The following CELF4 variants were observed in gnomAD, a reference collection of about 807,000 sequenced individuals.
CELF4 encodes the protein CUGBP Elav-like family member 4.
Under a neutral mutation model 59.9 loss-of-function variants are expected in CELF4, and 18 were observed. The observed-to-expected ratio is 0.30, with a 90% confidence interval of 0.21 to 0.45. The LOEUF is 0.45. Among genes scored for constraint, CELF4 ranks in the 20% least tolerant of loss-of-function variants. The pLI, the probability that CELF4 is intolerant of heterozygous loss-of-function variation, is 1.00. For synonymous variants in CELF4, 261 were observed against 267.1 expected, an observed-to-expected ratio of 0.98 and a Z score of 0.22; for missense variants, 456 against 689.0, an observed-to-expected ratio of 0.66 and a Z score of 3.79.
intron 2 of CELF4, among the ~76,000 whole-genome samples, chr18:37,351,756 G>T (rs1292026454): frequency 6.6e-6 from 1 of 151,800 alleles, no homozygotes; most frequent in Non-Finnish European, 1.5e-5. Flanking sequence ...GACCACAGGT[G>T]CACGCCACCA....
intron 1 of CELF4, among the ~76,000 whole-genome samples, chr18:37,523,030 G>C (rs375293854): frequency 2.8e-4 from 43 of 152,316 alleles, no homozygotes; most frequent in African/African-American, 1.0e-3. Flanking sequence ...TCGCAGTGGA[G>C]ACGTTCGTTG....
At chr18:37,402,232 G>A (rs2099335680) in intron 2 of CELF4, among the ~76,000 whole-genome samples, 1 of 152,190 alleles carries the variant, frequency 6.6e-6, no homozygotes, top group African/African-American at 2.4e-5. Flanking sequence ...GAATCCATAA[G>A]TGTTTGGTCT....
At chr18:37,548,502 A>G (rs919531615) in intron 1 of CELF4, among the ~76,000 whole-genome samples, 3 of 152,172 alleles carry the variant, frequency 2.0e-5, no homozygotes, top group East Asian at 1.9e-4. Flanking sequence ...TAGTAGGTGC[A>G]TTGCCAATAT....
At chr18:37,494,751 C>T (rs9957642) in intron 1 of CELF4, among the ~76,000 whole-genome samples, 108,796 of 152,030 alleles carry the variant, frequency 0.72, 39,225 homozygotes, top group East Asian at 0.83. Flanking sequence ...TCAGTTCCTG[C>T]TTTCCCCTCC....
Position 37,424,957 on chromosome 18 carries a change from T to TTGAGGGG in CELF4, c.369+60567_369+60568insCCCCTCA, listed in dbSNP as rs1251322969. 3.0e-4 allele frequency among the ~76,000 whole-genome samples: 45 copies of TTGAGGGG among 152,292 alleles called. 1 individual carries two copies. The highest frequency in any genetic ancestry group is 9.4e-4 in the African/African-American group (39 of 41,566). ...GAATCTGACCCTCAACCTGCACCTG[T>TTGAGGGG]TCCACTCTCGCCCCACCCGCACAGT... On this transcript the variant is annotated intron_variant, in intron 2 of 12. Coordinates refer to ENST00000420428, the MANE Select transcript of CELF4 (RefSeq NM_020180.4).
rs139856475 is a variant in CELF4 at position 37,253,827 on chromosome 18, G to A, written c.1445C>T (p.Ala482Val). 8 of 1,604,842 alleles carry A rather than the reference G, an allele frequency of 5.0e-6. No individual in the cohort carries two copies. The highest frequency in any genetic ancestry group is 1.7e-5 in the Admixed American group (1 of 59,526). ...LKVQLKRPKD[A>V]NRPY ...CGCCGGCGCTCAGTACGGGCGATTG[G>A]CGTCTTTGGGCCGCTTCAGCTGCAC... The change falls in exon 12 of 13, where the codon GCC (alanine) becomes GTC (valine). Residue 482 changes from alanine to valine, a missense_variant. By Grantham distance (64) the Ala-to-Val change is moderately conservative. This residue lies in a region of CELF4 where 256 missense variants were observed against 340.8 expected (regional missense o/e 0.75). Transcript: ENST00000420428. The surrounding 1 kb of genome is among the most constrained non-coding windows in gnomAD (Gnocchi z 4.5).
rs140019882 is a variant in CELF4 at position 37,558,381 on chromosome 18, GTTT to G, written c.286+6972_286+6974del. ...TGCAGCTTTTACTACCCCTGTAACA[GTTT>G]TTTTTTTTTTTTTTTTTCCCTGTCC... On this transcript the variant is annotated intron_variant, in intron 1 of 12. Transcript: ENST00000420428. Among the ~76,000 whole-genome samples the G allele has an allele frequency of 4.1e-3, 579 of 139,852 alleles. 7 individuals carry two copies. The highest frequency in any genetic ancestry group is 0.023 in the East Asian group (113 of 4,840). The allele number at this position is 139,852 out of a possible 152,430, so 91.7% of individuals were successfully genotyped here.
At chr18:37,301,871 C>A (rs2096065590) in intron 3 of CELF4, among the ~76,000 whole-genome samples, 1 of 152,160 alleles carries the variant, frequency 6.6e-6, no homozygotes, top group Non-Finnish European at 1.5e-5. Context: ...AGTTCCTGTC[C>A]ACGGAGCAGG....
chr18:37,460,737 T>G (rs941851432), intron 2 of CELF4, among the ~76,000 whole-genome samples: 6 of 152,238 alleles, frequency 3.9e-5, no homozygotes, highest in African/African-American at 1.4e-4. Context: ...TTGCTAATGC[T>G]GGTTACCATT....
chr18:37,514,981 C>G (rs1603643153), intron 1 of CELF4, among the ~76,000 whole-genome samples: 1 of 152,052 alleles, frequency 6.6e-6, no homozygotes, highest in Admixed American at 6.5e-5. Flanking sequence ...AAAAAATGCC[C>G]CATTTCCCTG....
intron 2 of CELF4, among the ~76,000 whole-genome samples, chr18:37,449,263 G>C (rs2099756501): frequency 6.6e-6 from 1 of 152,184 alleles, no homozygotes; most frequent in African/African-American, 2.4e-5. Flanking sequence ...GTCATCCTAA[G>C]GGATGGGGAA....
intron 11 of CELF4, among the ~76,000 whole-genome samples, chr18:37,258,313 G>A (rs1420425069): frequency 3.4e-5 from 4 of 118,552 alleles, no homozygotes; most frequent in Non-Finnish European, 5.2e-5. Flanking sequence ...ACACCCCCGC[G>A]CCTGGTCTCC....
At position 37,254,009 on chromosome 18, in the gene CELF4, T is replaced by C. The variant is rs537932686; in HGVS notation, c.1334-71A>G. ...CCGGGGCGCTGCCGGCGGGGAGGGG[T>C]CGGGGGACAGGGGGGCGGGGCGGGC... On this transcript the variant is annotated intron_variant, in intron 11 of 12. Coordinates refer to ENST00000420428, the MANE Select transcript of CELF4 (RefSeq NM_020180.4). The surrounding 1 kb of genome is among the most constrained non-coding windows in gnomAD (Gnocchi z 5.1). 12 of 286,418 alleles carry C rather than the reference T, an allele frequency of 4.2e-5. No homozygotes were observed. In the East Asian group the frequency reaches 1.3e-3, roughly 30 times the overall value. 17.7% of individuals were successfully genotyped at this position (286,418 alleles called of 1,614,324 possible). A position where few individuals can be genotyped will look rare whatever the true frequency, so the allele number is the denominator to read the frequency against.
chr18:37,534,752 A>G (rs1186511707), intron 1 of CELF4, among the ~76,000 whole-genome samples: 2 of 152,144 alleles, frequency 1.3e-5, no homozygotes, highest in Non-Finnish European at 2.9e-5. Flanking sequence ...GAGGGAGGGG[A>G]AGAGAAGGGA....
intron 1 of CELF4, among the ~76,000 whole-genome samples, chr18:37,523,021 C>T (rs944834791): frequency 2.6e-5 from 4 of 152,156 alleles, no homozygotes; most frequent in Non-Finnish European, 5.9e-5. Flanking sequence ...GTGATCATTT[C>T]GCAGTGGAGA....
At chr18:37,490,296 C>T (rs551554232) in intron 1 of CELF4, among the ~76,000 whole-genome samples, 1 of 152,122 alleles carries the variant, frequency 6.6e-6, no homozygotes, top group South Asian at 2.1e-4. Context: ...GGGTATGTTT[C>T]CTATGACTTT....
chr18:37,493,682 G>C (rs189589595), intron 1 of CELF4, among the ~76,000 whole-genome samples: 8 of 152,032 alleles, frequency 5.3e-5, no homozygotes, highest in African/African-American at 9.7e-5. Context: ...CTGCAGAGGT[G>C]GGGGAGGGGG....
chr18:37,324,675 A>C (rs2154525283), intron 2 of CELF4, among the ~76,000 whole-genome samples: 1 of 152,106 alleles, frequency 6.6e-6, no homozygotes, highest in Non-Finnish European at 1.5e-5. Flanking sequence ...AAAAAGGTAC[A>C]CTCAAGGCTG....
At chr18:37,293,056 G>A (rs1156914288) in intron 3 of CELF4, among the ~76,000 whole-genome samples, 1 of 152,230 alleles carries the variant, frequency 6.6e-6, no homozygotes, top group Non-Finnish European at 1.5e-5. Context: ...CACAAAAGGG[G>A]GTTGGGGTGA....
Sources: allele counts gnomAD v4.1 joint callset (sites outside exome capture counted in the v4.1 genomes callset), GRCh38; gene constraint gnomAD v4.1.1; regional missense constraint gnomAD v4.1.1; non-coding constraint Gnocchi (gnomAD v3.1); transcripts MANE v1.5; gene names NCBI Gene and HGNC (gene_info 2026-07-23, HGNC 2026-07-21).